The following PDE7B variants were observed in gnomAD, a reference collection of about 807,000 sequenced individuals.
PDE7B encodes the protein phosphodiesterase 7B, also known as 3',5'-cyclic-AMP phosphodiesterase 7B.
Under a neutral mutation model 56.2 loss-of-function variants are expected in PDE7B, and 29 were observed. The observed-to-expected ratio is 0.52, with a 90% CI of 0.38 to 0.70. The LOEUF is 0.70. Among genes scored for constraint, PDE7B ranks in the 30% least tolerant of loss-of-function variants. PDE7B has a pLI of 0.00. For synonymous variants in PDE7B, 197 were observed against 196.9 expected, an observed-to-expected ratio of 1.00 and a Z score of 0.00; for missense variants, 490 against 565.0, an observed-to-expected ratio of 0.87 and a Z score of 1.35.
chr6:135,982,353 C>A (rs1775311159), intron 2 of PDE7B, among the ~76,000 whole-genome samples: 1 of 152,024 alleles, frequency 6.6e-6, no homozygotes, highest in African/African-American at 2.4e-5. Context: ...TTCTCTCGGC[C>A]CAGACAGGCT....
intron 2 of PDE7B, among the ~76,000 whole-genome samples, chr6:136,008,399 G>T (rs112703906): frequency 3.3e-3 from 496 of 152,304 alleles, no homozygotes; most frequent in African/African-American, 0.012. Flanking sequence ...GATCCCTGAG[G>T]AATCGCCACA....
intron 2 of PDE7B, among the ~76,000 whole-genome samples, chr6:136,068,652 C>T (rs1776992454): frequency 1.3e-5 from 2 of 151,984 alleles, no homozygotes; most frequent in South Asian, 4.2e-4. Flanking sequence ...AGAATGGTCT[C>T]AATCTCTTGA....
chr6:136,135,391 A>G (rs897968578), intron 3 of PDE7B, among the ~76,000 whole-genome samples: 2 of 151,870 alleles, frequency 1.3e-5, no homozygotes, highest in Non-Finnish European at 2.9e-5. Flanking sequence ...CTTCTTTTCT[A>G]TTAAAAACTA....
At chr6:136,015,695 T>C (rs963002029) in intron 2 of PDE7B, among the ~76,000 whole-genome samples, 4 of 152,124 alleles carry the variant, frequency 2.6e-5, no homozygotes, top group Admixed American at 2.6e-4. Flanking sequence ...CAGATAAATA[T>C]ACATTCTTGA....
intron 1 of PDE7B, among the ~76,000 whole-genome samples, chr6:135,928,501 T>TTTA (rs1774237646): frequency 2.1e-5 from 2 of 94,652 alleles, no homozygotes; most frequent in Non-Finnish European, 4.1e-5. Flanking sequence ...ATATATATAT[T>TTTA]TATATATATA....
At chr6:136,162,735 C>CAATG (rs1212903533) in intron 8 of PDE7B, among the ~76,000 whole-genome samples, 1 of 152,188 alleles carries the variant, frequency 6.6e-6, no homozygotes, top group Non-Finnish European at 1.5e-5. Context: ...TTCCTAGATA[C>CAATG]AATGGGGTCA....
intron 1 of PDE7B, among the ~76,000 whole-genome samples, chr6:135,908,808 GAGAA>G (rs1776161354): frequency 6.6e-6 from 1 of 152,088 alleles, no homozygotes; most frequent in African/African-American, 2.4e-5. Flanking sequence ...TGGGTCTAGT[GAGAA>G]AGAAAAGAAA....
chr6:135,916,384 T>TTTTC lies in PDE7B; in HGVS notation c.22-31072_22-31069dup, dbSNP rs1161138165. ...TTTGCCCTTTTTTTCTTTTCTTTTC[T>TTTTC]TTTCTTTCTTTTTTTTTTTTTTTTT... On this transcript the variant is annotated intron_variant, in intron 1 of 12. Coordinates refer to ENST00000308191, the MANE Select transcript of PDE7B (RefSeq NM_018945.4). Among the ~76,000 whole-genome samples the TTTTC allele has an allele frequency of 1.2e-4, 12 of 101,996 alleles. No individual in the cohort carries two copies. The South Asian group carries it at 1.4e-3, about 12-fold the overall frequency. 66.9% of individuals were successfully genotyped at this position (101,996 alleles called of 152,430 possible). A position where few individuals can be genotyped will look rare whatever the true frequency, so the allele number is the denominator to read the frequency against.
intron 2 of PDE7B, among the ~76,000 whole-genome samples, chr6:136,000,353 G>T (rs151150745): frequency 1.3e-5 from 2 of 152,054 alleles, no homozygotes; most frequent in Admixed American, 1.3e-4. Context: ...GTATTTCTTC[G>T]GTTGTCTTCC....
chr6:136,033,113 T>C, intron 2 of PDE7B, among the ~76,000 whole-genome samples: 1 of 152,222 alleles, frequency 6.6e-6, no homozygotes, highest in South Asian at 2.1e-4. Flanking sequence ...AAGGCTATAG[T>C]CAGAGGGTGC....
chr6:135,968,564 T>C (rs1193467776), intron 2 of PDE7B, among the ~76,000 whole-genome samples: 1 of 152,168 alleles, frequency 6.6e-6, no homozygotes, highest in Non-Finnish European at 1.5e-5. Context: ...TCACTGATCA[T>C]TATAGTAATG....
chr6:136,051,456 C>T (rs1776626195), intron 2 of PDE7B, among the ~76,000 whole-genome samples: 1 of 152,310 alleles, frequency 6.6e-6, no homozygotes, highest in East Asian at 1.9e-4. Context: ...ATTGTTTAGC[C>T]CCTGCGAGGA....
In PDE7B at chr6:135,875,768, C is replaced by G. The variant is rs141240160; in HGVS notation, c.21+23749C>G. On this transcript the variant is annotated intron_variant, in intron 1 of 12. Coordinates refer to ENST00000308191, the MANE Select transcript of PDE7B (RefSeq NM_018945.4). ...CCTTTGTTCTTGAATGATAATTTAA[C>G]AGGATCTAGAATTCTCTAGGTTTTC... 3.4e-3 allele frequency among the ~76,000 whole-genome samples: 519 copies of G among 152,264 alleles called. 2 individuals are homozygous for G. The highest frequency in any genetic ancestry group is 0.012 in the African/African-American group (487 of 41,554).
intron 1 of PDE7B, among the ~76,000 whole-genome samples, chr6:135,857,047 TCCCTCCCTTC>T: frequency 9.0e-6 from 1 of 111,430 alleles, no homozygotes; most frequent in East Asian, 3.1e-4. Flanking sequence ...CCTCCCTCCC[TCCCTCCCTTC>T]CTTCCTCCCT....
chr6:136,046,484 C>T (rs1353702515), intron 2 of PDE7B: 3 of 152,354 alleles, frequency 2.0e-5, no homozygotes, highest in Non-Finnish European at 4.4e-5. Context: ...TGCTCCTCTC[C>T]AAGTTGGCAT....
intron 2 of PDE7B, among the ~76,000 whole-genome samples, chr6:136,084,776 C>T (rs75900521): frequency 8.1e-4 from 124 of 152,218 alleles, no homozygotes; most frequent in South Asian, 4.1e-3. Flanking sequence ...CTAAAAGGTA[C>T]TTATCTTTAT....
In PDE7B at chr6:135,947,492, C is replaced by G. The variant is rs1303880166; in HGVS notation, c.50C>G (p.Pro17Arg). Residue 17 changes from proline (P) to arginine (R), a missense_variant, in exon 2 of 13, where the codon CCC (proline) becomes CGC (arginine). Physicochemically the swap from Pro to Arg is moderately radical, Grantham distance 103 (BLOSUM62 -2). Coordinates refer to ENST00000308191, the MANE Select transcript of PDE7B (RefSeq NM_018945.4). Reference sequence around the variant, plus strand: ...TGTGGCGAAATCTTGTTTGAGAACCCCGATCAGAATGCCAAATGTGTTTGC... The same window carrying G: ...TGTGGCGAAATCTTGTTTGAGAACCGCGATCAGAATGCCAAATGTGTTTGC... ...ERCGEILFEN[P>R]DQNAKCVCML... 3 of 1,612,308 alleles carry G rather than the reference C, an allele frequency of 1.9e-6. No homozygotes were observed. Among genetic ancestry groups the G allele is most frequent in the Non-Finnish European group, 2.5e-6 (3 of 1,178,724 alleles).
intron 9 of PDE7B, among the ~76,000 whole-genome samples, chr6:136,176,093 A>G (rs1040327109): frequency 2.6e-4 from 40 of 152,160 alleles, no homozygotes; most frequent in African/African-American, 9.1e-4. Flanking sequence ...CTATTTCTTT[A>G]GAGAACACAT....
chr6:135,884,289 GTCAGAATTT>G (rs1775663607), intron 1 of PDE7B, among the ~76,000 whole-genome samples: 2 of 152,142 alleles, frequency 1.3e-5, no homozygotes, highest in Non-Finnish European at 2.9e-5. Context: ...GTATTGACTT[GTCAGAATTT>G]TCAGAATTTA....
Sources: gnomAD v4.1 joint callset for allele counts (sites outside exome capture counted in the v4.1 genomes callset) on GRCh38, gnomAD v4.1.1 for gene constraint, MANE v1.5 for transcripts, NCBI Gene and HGNC (gene_info 2026-07-23, HGNC 2026-07-21) for gene names.